Variants in CAMTA1 observed in about 807,000 individuals in gnomAD.
CAMTA1 encodes the protein calmodulin-binding transcription activator 1.
A neutral mutation model predicts 170.9 loss-of-function variants in CAMTA1; 27 were observed. The observed-to-expected ratio is 0.16, with a 90% CI of 0.12 to 0.22. CAMTA1 has a LOEUF of 0.22. CAMTA1 is among the 10% of genes least tolerant of loss of function. The pLI is 1.00. For missense variants in CAMTA1, 1,619 were observed against 2,217.2 expected (o/e 0.73, Z 5.42); for synonymous variants, 833 against 891.5 (o/e 0.93, Z 1.17).
Position 7,562,261 on chromosome 1 carries a change from C to T in CAMTA1, c.511-78139C>T, listed in dbSNP as rs66839862. On this transcript the variant is annotated intron_variant, in intron 6 of 22. Coordinates refer to ENST00000303635, the MANE Select transcript of CAMTA1 (RefSeq NM_015215.4). This position sits in a 1 kb window ranked among gnomAD's most constrained non-coding sequence, Gnocchi z 4.8. ...TAAAGAATGTGTGTTAGACAACTGT[C>T]ACTCAGCATATTTGATGGTGTTTTG... Among the ~76,000 whole-genome samples, 14,357 of 152,250 alleles carry T rather than the reference C, an allele frequency of 0.094. 1,100 individuals are homozygous for T. The highest frequency in any genetic ancestry group is 0.21 in the African/African-American group (8,540 of 41,510).
intron 11 of CAMTA1, chr1:7,700,773 T>G (rs578146410): frequency 8.5e-5 from 13 of 152,330 alleles, no homozygotes; most frequent in African/African-American, 2.9e-4. Flanking sequence ...CACATCTAAC[T>G]TCAAAGGGTA....
chr1:7,284,060 T>A (rs1671895477), intron 5 of CAMTA1, among the ~76,000 whole-genome samples: 1 of 152,076 alleles, frequency 6.6e-6, no homozygotes, highest in Non-Finnish European at 1.5e-5. Flanking sequence ...GATTAGTGAG[T>A]CAATCACAGC....
intron 16 of CAMTA1, among the ~76,000 whole-genome samples, chr1:7,739,103 A>C (rs978214279): frequency 1.7e-4 from 26 of 152,224 alleles, no homozygotes; most frequent in African/African-American, 6.3e-4. Context: ...CTAATAAGCA[A>C]ATTCCATCTA....
At chr1:7,617,162 G>A (rs577486882) in intron 6 of CAMTA1, among the ~76,000 whole-genome samples, 1 of 152,332 alleles carries the variant, frequency 6.6e-6, no homozygotes, top group African/African-American at 2.4e-5. Flanking sequence ...TTCACTTCCA[G>A]CCAAGCGGCT....
At chr1:6,836,943 CTTTT>C (rs780894298) in intron 3 of CAMTA1, among the ~76,000 whole-genome samples, 2 of 137,306 alleles carry the variant, frequency 1.5e-5, no homozygotes, top group Admixed American at 7.3e-5. Context: ...TGAAGGAGTT[CTTTT>C]TTTTTTTTTT....
intron 5 of CAMTA1, among the ~76,000 whole-genome samples, chr1:7,354,296 C>T (rs1317157083): frequency 6.6e-6 from 1 of 152,036 alleles, no homozygotes; most frequent in Non-Finnish European, 1.5e-5. Flanking sequence ...CTACAGGCGC[C>T]TGCCACCGCG....
chr1:7,171,361 C>T (rs903510032), intron 4 of CAMTA1, among the ~76,000 whole-genome samples: 1 of 152,172 alleles, frequency 6.6e-6, no homozygotes, highest in Admixed American at 6.5e-5. Context: ...TGCCTTTAAC[C>T]TCTCCCTTTT....
chr1:6,941,599 C>T (rs750775946), intron 3 of CAMTA1, among the ~76,000 whole-genome samples: 2 of 152,168 alleles, frequency 1.3e-5, no homozygotes, highest in South Asian at 2.1e-4. Context: ...AGCAGGTTAG[C>T]GCCGTGGGCA....
chr1:7,500,370 A>AGT (rs552615586), intron 6 of CAMTA1, among the ~76,000 whole-genome samples: 6 of 124,478 alleles, frequency 4.8e-5, no homozygotes, highest in Admixed American at 1.6e-4. Context: ...TATGTATATG[A>AGT]GTGTGTGTGT....
At chr1:6,939,003 G>A (rs1480902829) in intron 3 of CAMTA1, among the ~76,000 whole-genome samples, 2 of 152,168 alleles carry the variant, frequency 1.3e-5, no homozygotes, top group South Asian at 2.1e-4. Flanking sequence ...TTTGTCATGC[G>A]TCCATTGTCC....
At chr1:7,719,474 G>A (rs35531663) in intron 11 of CAMTA1, among the ~76,000 whole-genome samples, 20,019 of 152,234 alleles carry the variant, frequency 0.13, 1,621 homozygotes, top group East Asian at 0.22. Flanking sequence ...AGATCAGGAA[G>A]AAGAAATATG....
At chr1:7,515,893 C>G in intron 6 of CAMTA1, among the ~76,000 whole-genome samples, 1 of 152,234 alleles carries the variant, frequency 6.6e-6, no homozygotes, top group East Asian at 1.9e-4. Context: ...TGATTTCAGC[C>G]TCTGAGTGGG....
chr1:7,272,692 CAAA>C (rs371588178), intron 5 of CAMTA1, among the ~76,000 whole-genome samples: 141 of 38,804 alleles, frequency 3.6e-3, no homozygotes, highest in African/African-American at 0.012. Flanking sequence ...TAAACACATG[CAAA>C]AAAAAAAAAA....
At chr1:7,433,748 T>C (rs1002079297) in intron 5 of CAMTA1, among the ~76,000 whole-genome samples, 1 of 151,850 alleles carries the variant, frequency 6.6e-6, no homozygotes, top group Non-Finnish European at 1.5e-5. Context: ...TAAGAAGGAG[T>C]TGGGCTGGGA....
chr1:7,612,513 C>T (rs1039760598), intron 6 of CAMTA1, among the ~76,000 whole-genome samples: 23 of 152,130 alleles, frequency 1.5e-4, no homozygotes, highest in African/African-American at 4.3e-4. Flanking sequence ...AACATTTGGG[C>T]GCAGAAACAG....
chr1:7,551,338 G>T (rs755483892), intron 6 of CAMTA1, among the ~76,000 whole-genome samples: 2 of 152,166 alleles, frequency 1.3e-5, no homozygotes, highest in Non-Finnish European at 2.9e-5. Context: ...GCACATGTAT[G>T]TATCTGTGCA....
At chr1:7,304,274 G>C (rs1409823960) in intron 5 of CAMTA1, among the ~76,000 whole-genome samples, 1 of 152,136 alleles carries the variant, frequency 6.6e-6, no homozygotes, top group Non-Finnish European at 1.5e-5. Context: ...GATGGGAGTT[G>C]GTATTGGATA....
At chr1:7,176,812 C>T (rs1414458917) in intron 4 of CAMTA1, among the ~76,000 whole-genome samples, 1 of 152,172 alleles carries the variant, frequency 6.6e-6, no homozygotes, top group African/African-American at 2.4e-5. Flanking sequence ...TGGGCAGGCC[C>T]TGTGACCAGT....
chr1:7,747,606 G>T, intron 18 of CAMTA1, 104 bp from the exon 19 acceptor site: 3 of 630,704 alleles, frequency 4.8e-6, no homozygotes, highest in Admixed American at 3.5e-5. Flanking sequence ...GGTAAACCTG[G>T]GATCTCAACT....
Sources: gnomAD v4.1 joint callset for allele counts (sites outside exome capture counted in the v4.1 genomes callset) on GRCh38, gnomAD v4.1.1 for gene constraint, Gnocchi (gnomAD v3.1) non-coding constraint, MANE v1.5 for transcripts, NCBI Gene and HGNC (gene_info 2026-07-23, HGNC 2026-07-21) for gene names.